EXOC4: variants seen among roughly 807,000 people sequenced by gnomAD.
EXOC4 encodes the protein exocyst complex component 4.
EXOC4 carries 71 observed loss-of-function variants against 107.2 expected under a neutral mutation model. The ratio of observed to expected loss-of-function variants is 0.66; its 90% CI spans 0.55 to 0.81. The LOEUF (loss-of-function observed/expected upper bound fraction) is 0.81. Ranked by LOEUF, EXOC4 falls within the 30% of genes least tolerant of loss-of-function variation. EXOC4 has a pLI of 0.00. For synonymous variants in EXOC4, 456 were observed against 441.2 expected (o/e 1.03, Z -0.42); for missense variants, 1,108 against 1,189.6 (o/e 0.93, Z 1.01).
chr7:133,959,146 C>T (rs944377879), intron 14 of EXOC4, among the ~76,000 whole-genome samples: 2 of 152,102 alleles, frequency 1.3e-5, no homozygotes, highest in African/African-American at 4.8e-5. Context: ...GTCAGCCCCA[C>T]TTAAATATGA....
chr7:133,857,096 T>TTATA (rs1304780056), intron 11 of EXOC4, among the ~76,000 whole-genome samples: 1 of 110,028 alleles, frequency 9.1e-6, no homozygotes, highest in African/African-American at 3.8e-5. Context: ...GACTCCGTCT[T>TTATA]TATATATATA....
chr7:133,537,362 TG>T (rs10716679), intron 9 of EXOC4, among the ~76,000 whole-genome samples: 150,957 of 150,962 alleles, frequency 1, 75,476 homozygotes, highest in Middle Eastern at 1. Flanking sequence ...TTCCCCATAT[TG>T]GGCCAACCTG....
intron 10 of EXOC4, among the ~76,000 whole-genome samples, chr7:133,650,021 A>T (rs893476973): frequency 4.6e-5 from 7 of 152,174 alleles, no homozygotes; most frequent in East Asian, 3.9e-4. Context: ...CTAGGTTTTT[A>T]TCCTTTTATA....
At chr7:133,670,930 A>G (rs1468905056) in intron 10 of EXOC4, among the ~76,000 whole-genome samples, 1 of 152,184 alleles carries the variant, frequency 6.6e-6, no homozygotes, top group Non-Finnish European at 1.5e-5. Flanking sequence ...GTGAAGAAAA[A>G]TAAAGCGGGC....
chr7:133,605,346 C>CT (rs879749497), intron 9 of EXOC4, among the ~76,000 whole-genome samples: 29 of 152,088 alleles, frequency 1.9e-4, no homozygotes, highest in Non-Finnish European at 3.8e-4. Context: ...TCACTACTAT[C>CT]TATTTCTATC....
At chr7:134,072,314 G>A in the EXOC4 span, among the ~76,000 whole-genome samples, 1,566 of 152,276 alleles carry the variant, frequency 0.01, 17 homozygotes, top group East Asian at 0.028. Flanking sequence ...TTTATTTAAT[G>A]TAAGTTATAC....
intron 4 of EXOC4, among the ~76,000 whole-genome samples, chr7:133,307,107 C>T (rs1468241643): frequency 6.6e-6 from 1 of 152,178 alleles, no homozygotes; most frequent in African/African-American, 2.4e-5. Flanking sequence ...AAGAAGAGCA[C>T]TGGAAGCAGT....
chr7:133,310,690 C>G (rs1794851840), intron 4 of EXOC4, among the ~76,000 whole-genome samples: 1 of 152,196 alleles, frequency 6.6e-6, no homozygotes, highest in South Asian at 2.1e-4. Flanking sequence ...TTTGCTGGCA[C>G]CATGCCCACA....
intron 9 of EXOC4, among the ~76,000 whole-genome samples, chr7:133,588,746 A>T (rs1034463334): frequency 6.6e-6 from 1 of 152,112 alleles, no homozygotes; most frequent in Non-Finnish European, 1.5e-5. Context: ...TACAAAAATT[A>T]GCTGGGCATG....
At chr7:133,475,079 A>G (rs1476655202) in intron 7 of EXOC4, among the ~76,000 whole-genome samples, 1 of 152,106 alleles carries the variant, frequency 6.6e-6, no homozygotes, top group Admixed American at 6.5e-5. Context: ...GATACCCAAT[A>G]AAAACGTTCC....
intron 1 of EXOC4, among the ~76,000 whole-genome samples, chr7:133,254,918 C>T (rs1375416472): frequency 1.3e-5 from 2 of 152,108 alleles, no homozygotes; most frequent in African/African-American, 4.8e-5. Flanking sequence ...CTCTAAATGT[C>T]ATATTTTTGA....
chr7:133,571,828 A>T (rs1801030293), intron 9 of EXOC4, among the ~76,000 whole-genome samples: 1 of 152,158 alleles, frequency 6.6e-6, no homozygotes, highest in South Asian at 2.1e-4. Flanking sequence ...ACGTGGTGAA[A>T]GGCAGAAGAG....
intron 5 of EXOC4, among the ~76,000 whole-genome samples, chr7:133,343,482 G>A (rs1224280880): frequency 6.6e-6 from 1 of 151,992 alleles, no homozygotes; most frequent in East Asian, 1.9e-4. Context: ...TCCCTATGTT[G>A]CCTAAGCTGA....
intron 11 of EXOC4, among the ~76,000 whole-genome samples, chr7:133,857,722 C>G (rs1204687515): frequency 6.6e-6 from 1 of 152,028 alleles, no homozygotes; most frequent in East Asian, 2.0e-4. Context: ...CAAGCAGCTT[C>G]TCTTGTGGGT....
At chr7:134,009,490 G>A (rs564984254) in intron 17 of EXOC4, among the ~76,000 whole-genome samples, 1 of 151,950 alleles carries the variant, frequency 6.6e-6, no homozygotes, top group South Asian at 2.1e-4. Flanking sequence ...TCTATTTGTG[G>A]GAAAGTGAGA....
At chr7:134,026,480 C>T (rs1298168305) in intron 17 of EXOC4, among the ~76,000 whole-genome samples, 1 of 112,192 alleles carries the variant, frequency 8.9e-6, no homozygotes, top group African/African-American at 3.6e-5. Context: ...TCTAGAAGAA[C>T]ATTTTCTAGA....
intron 9 of EXOC4, among the ~76,000 whole-genome samples, chr7:133,521,785 A>G (rs111576422): frequency 2.6e-5 from 4 of 151,732 alleles, no homozygotes; most frequent in Non-Finnish European, 5.9e-5. Flanking sequence ...ACGCCCGGCT[A>G]ATTTTTTGTA....
chr7:133,547,704 T>C (rs887782776), intron 9 of EXOC4, among the ~76,000 whole-genome samples: 1 of 152,218 alleles, frequency 6.6e-6, no homozygotes, highest in Non-Finnish European at 1.5e-5. Flanking sequence ...TGCTTGACTA[T>C]AAAAACTCCT....
rs149506095 is a variant in EXOC4, at chr7:133,835,529, A to G, written c.1734+17985A>G. ...AAAGGAGGCAGTCAGATATGCATCTATCTCAGTGAGCAGAGGGATGACTTT... is the reference window on the plus strand; with the variant it reads ...AAAGGAGGCAGTCAGATATGCATCTGTCTCAGTGAGCAGAGGGATGACTTT... On this transcript the variant is annotated intron_variant, in intron 11 of 17. Transcript: ENST00000253861. Among the ~76,000 whole-genome samples the G allele has an allele frequency of 7.1e-3, 1,078 of 152,066 alleles. 31 individuals carry two copies. Among genetic ancestry groups the G allele is most frequent in the Non-Finnish European group, 4.5e-3 (303 of 68,028 alleles).
Sources: allele counts gnomAD v4.1 joint callset (sites outside exome capture counted in the v4.1 genomes callset), GRCh38; gene constraint gnomAD v4.1.1; transcripts MANE v1.5; gene names NCBI Gene and HGNC (gene_info 2026-07-23, HGNC 2026-07-21).